Variants in PRDM16 observed in about 807,000 individuals in gnomAD.
PRDM16 encodes the protein PR/SET domain 16.
Under a neutral mutation model 110.6 loss-of-function variants are expected in PRDM16, and 23 were observed. The ratio of observed to expected loss-of-function variants is 0.21; its 90% confidence interval spans 0.15 to 0.29. The LOEUF (loss-of-function observed/expected upper bound fraction) is 0.29, where lower values mean the gene tolerates loss of function less well. Among genes scored for constraint, PRDM16 ranks in the 10% least tolerant of loss-of-function variants. The pLI, the probability that PRDM16 is intolerant of heterozygous loss-of-function variation, is 1.00. For missense variants in PRDM16, 1,615 were observed against 1,794.3 expected, an observed-to-expected ratio of 0.90 and a Z score of 1.81; for synonymous variants, 799 against 781.8, an observed-to-expected ratio of 1.02 and a Z score of -0.37.
At chr1:3,079,282 C>A (rs1035042152) in intron 1 of PRDM16, among the ~76,000 whole-genome samples, 2 of 152,150 alleles carry the variant, frequency 1.3e-5, no homozygotes, top group Non-Finnish European at 2.9e-5. Flanking sequence ...CTTCCAGCCT[C>A]ACATCAGAGG....
At chr1:3,331,836 C>T (rs907149339) in intron 3 of PRDM16, among the ~76,000 whole-genome samples, 2 of 152,138 alleles carry the variant, frequency 1.3e-5, no homozygotes, top group Non-Finnish European at 2.9e-5. Context: ...AGCTGTGGCC[C>T]GGCCCCGTCT....
At chr1:3,224,910 G>A (rs1639251526) in intron 2 of PRDM16, among the ~76,000 whole-genome samples, 1 of 152,250 alleles carries the variant, frequency 6.6e-6, no homozygotes, top group Non-Finnish European at 1.5e-5. Flanking sequence ...CCTGTTGGAC[G>A]CAGCATCTCA....
chr1:3,351,755 C>G (rs368845719), intron 3 of PRDM16, among the ~76,000 whole-genome samples: 6 of 129,316 alleles, frequency 4.6e-5, no homozygotes, highest in Admixed American at 2.3e-4. Context: ...TCTCCCCCCC[C>G]TCTGTTTCTC....
At chr1:3,313,438 C>T (rs1641514667) in intron 3 of PRDM16, among the ~76,000 whole-genome samples, 1 of 152,196 alleles carries the variant, frequency 6.6e-6, no homozygotes, top group Admixed American at 6.5e-5. Context: ...GGAAAAGTAG[C>T]CTGAGAGTGA....
intron 4 of PRDM16, among the ~76,000 whole-genome samples, chr1:3,387,509 G>A (rs1402556723): frequency 6.6e-6 from 1 of 152,208 alleles, no homozygotes; most frequent in Non-Finnish European, 1.5e-5. Context: ...CCCTCCGACA[G>A]GGAGAGGAGC....
At chr1:3,349,394 CG>C (rs1642432821) in intron 3 of PRDM16, among the ~76,000 whole-genome samples, 1 of 152,212 alleles carries the variant, frequency 6.6e-6, no homozygotes, top group Non-Finnish European at 1.5e-5. Context: ...GCTGCTGCCC[CG>C]ATAACCTGGA....
At chr1:3,366,223 GCACGA>G (rs1299080046) in intron 3 of PRDM16, among the ~76,000 whole-genome samples, 1 of 152,242 alleles carries the variant, frequency 6.6e-6, no homozygotes, top group Non-Finnish European at 1.5e-5. Flanking sequence ...CTGCCACTGA[GCACGA>G]CCATGACTTA....
chr1:3,329,025 C>A lies in PRDM16; in HGVS notation c.439-56127C>A, dbSNP rs1234267267. 3.3e-5 allele frequency among the ~76,000 whole-genome samples: 5 copies of A among 152,210 alleles called. No homozygotes were observed. In the South Asian group the frequency reaches 8.3e-4, roughly 25 times the overall value. Reference sequence around the variant, plus strand: ...GGGGCCCAGCCAGACCCTTTCCCCCCAGGCGAGGAATGGGCGCCTTCTCCC... The same window carrying A: ...GGGGCCCAGCCAGACCCTTTCCCCCAAGGCGAGGAATGGGCGCCTTCTCCC... On this transcript the variant is annotated intron_variant, in intron 3 of 16. Coordinates refer to ENST00000270722, the MANE Select transcript of PRDM16 (RefSeq NM_022114.4).
chr1:3,359,452 T>C lies in PRDM16; in HGVS notation c.439-25700T>C, dbSNP rs374366288. On this transcript the variant is annotated intron_variant, in intron 3 of 16. Transcript: ENST00000270722. This position sits in a 1 kb window ranked among gnomAD's most constrained non-coding sequence, Gnocchi z 4.3. ...GAAGCCCTTGTCGGGTGCCACCTTCTAAGTAAACACACTTAAAAAAGCACA... is the reference window on the plus strand; with the variant it reads ...GAAGCCCTTGTCGGGTGCCACCTTCCAAGTAAACACACTTAAAAAAGCACA... 2.6e-5 allele frequency among the ~76,000 whole-genome samples: 4 copies of C among 151,926 alleles called. No homozygotes were observed. The East Asian group carries it at 7.8e-4, about 30-fold the overall frequency.
intron 1 of PRDM16, among the ~76,000 whole-genome samples, chr1:3,134,452 C>T (rs1036473461): frequency 1.6e-4 from 25 of 152,234 alleles, no homozygotes; most frequent in Admixed American, 1.6e-3. Context: ...CGAGGGGCCA[C>T]GCTCATGCCC....
chr1:3,412,871 A>T, intron 9 of PRDM16, 71 bp downstream of exon 9: 8 of 1,252,302 alleles, frequency 6.4e-6, no homozygotes, highest in Non-Finnish European at 8.4e-6. Flanking sequence ...GGCTCAGTGC[A>T]TGGTGGTGTC....
chr1:3,332,494 G>T (rs1214369771), intron 3 of PRDM16, among the ~76,000 whole-genome samples: 1 of 152,120 alleles, frequency 6.6e-6, no homozygotes, highest in Non-Finnish European at 1.5e-5. Context: ...TTTTGTTTTG[G>T]GGGCTTTATG....
At chr1:3,189,678 C>T (rs895984756) in intron 2 of PRDM16, among the ~76,000 whole-genome samples, 2 of 152,196 alleles carry the variant, frequency 1.3e-5, no homozygotes, top group Non-Finnish European at 2.9e-5. Flanking sequence ...CAAGAAGGAT[C>T]GGTGTCATTT....
intron 3 of PRDM16, among the ~76,000 whole-genome samples, chr1:3,327,564 T>C (rs1304644303): frequency 6.6e-6 from 1 of 152,240 alleles, no homozygotes; most frequent in African/African-American, 2.4e-5. Context: ...ATCTGGTTAC[T>C]GATGCAGAGC....
chr1:3,110,620 C>T lies in PRDM16; in HGVS notation c.37+41324C>T, dbSNP rs144363030. Among the ~76,000 whole-genome samples, 22 of 152,376 alleles carry T rather than the reference C, an allele frequency of 1.4e-4. No individual in the cohort carries two copies. In the East Asian group the frequency reaches 3.7e-3, roughly 25 times the overall value. On this transcript the variant is annotated intron_variant, in intron 1 of 16. Transcript: ENST00000270722. The stretch of plus-strand genomic sequence containing the variant: ...ACGTATTTTAGTGATTGAAGTTGGA[C>T]CTAACGTGGGTGTTTTCTCAAGTAT...
At chr1:3,172,462 G>A (rs562368610) in intron 1 of PRDM16, among the ~76,000 whole-genome samples, 6 of 152,158 alleles carry the variant, frequency 3.9e-5, no homozygotes, top group South Asian at 2.1e-4. Flanking sequence ...CTAAGAGCAC[G>A]CCGTAGATTC....
At chr1:3,432,545 G>C (rs1638796660) in intron 16 of PRDM16, among the ~76,000 whole-genome samples, 1 of 152,220 alleles carries the variant, frequency 6.6e-6, no homozygotes, top group South Asian at 2.1e-4. Flanking sequence ...GGCAGTCTCT[G>C]CTTCCCAGCT....
intron 4 of PRDM16, among the ~76,000 whole-genome samples, chr1:3,388,269 C>CCT (rs916359595): frequency 6.6e-6 from 1 of 152,002 alleles, no homozygotes; most frequent in Non-Finnish European, 1.5e-5. Flanking sequence ...CCTCCCTTCC[C>CCT]CTCTCTCTCT....
At chr1:3,342,855 A>G (rs1305301683) in intron 3 of PRDM16, among the ~76,000 whole-genome samples, 1 of 152,202 alleles carries the variant, frequency 6.6e-6, no homozygotes, top group East Asian at 1.9e-4. Context: ...AGTAGCATGC[A>G]TGGTATGAAT....
Sources: allele counts gnomAD v4.1 joint callset (sites outside exome capture counted in the v4.1 genomes callset), GRCh38; gene constraint gnomAD v4.1.1; non-coding constraint Gnocchi (gnomAD v3.1); transcripts MANE v1.5; gene names NCBI Gene and HGNC (gene_info 2026-07-23, HGNC 2026-07-21).